Variants in CST8 observed in about 807,000 individuals in gnomAD.
CST8 encodes the protein cystatin 8, also known as cystatin-8.
In CST8, 20 loss-of-function variants were observed where a neutral mutation model predicts 11.8. The observed-to-expected ratio is 1.70, with a 90% CI of 1.20 to 2.47. The LOEUF (loss-of-function observed/expected upper bound fraction) is 2.47, where lower values mean the gene tolerates loss of function less well. Ranked by LOEUF, CST8 falls within the 30% of genes most tolerant of loss-of-function variation. The pLI is 0.00. For missense variants in CST8, 196 were observed against 167.2 expected (o/e 1.17, Z -0.95); for synonymous variants, 77 against 63.1 (o/e 1.22, Z -1.05).
chr20:23,497,995 G>T (rs1988095092), downstream of CST8, among the ~76,000 whole-genome samples: 1 of 152,082 alleles, frequency 6.6e-6, no homozygotes, highest in African/African-American at 2.4e-5. Context: ...GCATGTGTGT[G>T]TGTGTGTGTA....
the CST8 span, among the ~76,000 whole-genome samples, chr20:23,501,716 C>T: frequency 1.3e-5 from 2 of 152,190 alleles, no homozygotes; most frequent in Admixed American, 1.3e-4. Context: ...AGTGCTCAGA[C>T]GCTGATGATG....
chr20:23,494,262 A>G (rs1987976514), intron 3 of CST8, among the ~76,000 whole-genome samples: 1 of 152,166 alleles, frequency 6.6e-6, no homozygotes. Flanking sequence ...GATTGTAGAA[A>G]AGTTTTTGCT....
At chr20:23,503,742 G>A in the CST8 span, among the ~76,000 whole-genome samples, 2 of 152,242 alleles carry the variant, frequency 1.3e-5, no homozygotes, top group Non-Finnish European at 2.9e-5. Flanking sequence ...CAACAAGGGC[G>A]GAAGTACAGG....
intron 3 of CST8, among the ~76,000 whole-genome samples, chr20:23,494,666 T>C: frequency 6.6e-6 from 1 of 152,336 alleles, no homozygotes; most frequent in Non-Finnish European, 1.5e-5. Context: ...CATCCATCCA[T>C]TCATTAATCT....
downstream of CST8, among the ~76,000 whole-genome samples, chr20:23,497,358 G>C (rs1988074099): frequency 6.6e-6 from 1 of 152,176 alleles, no homozygotes; most frequent in African/African-American, 2.4e-5. Flanking sequence ...CCCTTACAGA[G>C]GTCTGAACCC....
In CST8 at chr20:23,491,663, G is replaced by A. The variant is rs1987884630; in HGVS notation, c.-5G>A. The A allele has an allele frequency of 6.2e-7, 1 of 1,612,360 alleles. No homozygotes were observed. Among genetic ancestry groups the A allele is most frequent in the African/African-American group, 1.3e-5 (1 of 74,826 alleles). The stretch of plus-strand genomic sequence containing the variant: ...GAGTCGACTTTGCCTCTTGCCCAAG[G>A]GACCATGCCCAGGTGCCGGTGGCTC... On this transcript the variant is annotated 5_prime_UTR_variant, in exon 2 of 4. Transcript: ENST00000246012.
At chr20:23,492,930 A>C in intron 2 of CST8, 28 bp from the exon 3 acceptor site, 1 of 1,264,290 alleles carries the variant, frequency 7.9e-7, no homozygotes, top group Non-Finnish European at 1.2e-6. Flanking sequence ...ACTCTTTTGA[A>C]TAAAATTGCA....
Position 23,495,988 on chromosome 20 carries a change from C to G in CST8, c.*74C>G, listed in dbSNP as rs946868033. On this transcript the variant is annotated 3_prime_UTR_variant, in exon 4 of 4. Coordinates refer to ENST00000246012, the MANE Select transcript of CST8 (RefSeq NM_005492.4). ...AAATGAAGCAATGGCAGGTGGGAGG[C>G]TCTTCCCAATGTGCTTTCTTCATGC... 1.9e-5 allele frequency: 22 copies of G among 1,188,046 alleles called. No homozygotes were observed. In the African/African-American group the frequency reaches 3.3e-4, roughly 18 times the overall value. The allele number at this position is 1,188,046 out of a possible 1,614,324, so 73.6% of individuals were successfully genotyped here. A position where few individuals can be genotyped will look rare whatever the true frequency, so the allele number is the denominator to read the frequency against.
chr20:23,491,903 A>C lies in CST8; in HGVS notation c.231+5A>C. On this transcript the variant is annotated splice_donor_5th_base_variant and intron_variant, in intron 2 of 3. Coordinates refer to ENST00000246012, the MANE Select transcript of CST8 (RefSeq NM_005492.4). The stretch of plus-strand genomic sequence containing the variant: ...ACACTGCAAGCCCAGCTTCAGGTAA[A>C]GGTGTCTTTCCATATAGGTGGACAT... 1 of 1,610,086 alleles carries C rather than the reference A, an allele frequency of 6.2e-7. No homozygotes were observed. The highest frequency in any genetic ancestry group is 1.1e-5 in the South Asian group (1 of 91,000).
chr20:23,492,501 A>T (rs571912427), intron 2 of CST8, among the ~76,000 whole-genome samples: 8 of 152,238 alleles, frequency 5.3e-5, no homozygotes, highest in Admixed American at 5.2e-4. Context: ...ACCCCAGAGG[A>T]TGGGAGGTTT....
At chr20:23,505,136 A>ATTC in the CST8 span, among the ~76,000 whole-genome samples, 89 of 128,892 alleles carry the variant, frequency 6.9e-4, no homozygotes, top group African/African-American at 2.5e-3. Flanking sequence ...GGCAAGAAGC[A>ATTC]TTCTTTTTTT....
rs148905697 is a variant in CST8, at chr20:23,491,856, G to A, written c.189G>A (p.Lys63=). The A allele has an allele frequency of 9.3e-6, 15 of 1,614,252 alleles. No individual in the cohort carries two copies. Among genetic ancestry groups the A allele is most frequent in the African/African-American group, 2.7e-5 (2 of 75,068 alleles). ...MQEYNKESED[K]YVFLVVKTLQ... ...AATACAACAAAGAGAGCGAGGACAA[G>A]TATGTCTTCCTGGTGGTCAAGACAC... Residue 63 remains lysine (K), a synonymous_variant, in exon 2 of 4, where the codon AAG becomes AAA. Transcript: ENST00000246012.
downstream of CST8, among the ~76,000 whole-genome samples, chr20:23,498,571 A>C (rs1988114079): frequency 6.6e-6 from 1 of 152,106 alleles, no homozygotes; most frequent in African/African-American, 2.4e-5. Flanking sequence ...CAGCAGAGAC[A>C]AGTGGAACTT....
At chr20:23,506,228 A>C in the CST8 span, among the ~76,000 whole-genome samples, 57 of 152,166 alleles carry the variant, frequency 3.7e-4, no homozygotes, top group Admixed American at 2.6e-4. Flanking sequence ...CTTAGGGCTC[A>C]CTGGGAAACA....
At chr20:23,501,936 C>T in the CST8 span, among the ~76,000 whole-genome samples, 253 of 152,290 alleles carry the variant, frequency 1.7e-3, no homozygotes, top group African/African-American at 5.4e-3. Context: ...GTGGACACGC[C>T]GGCTTTCTGC....
At chr20:23,497,091 A>C (rs1988064061), downstream of CST8, among the ~76,000 whole-genome samples, 1 of 152,234 alleles carries the variant, frequency 6.6e-6, no homozygotes, top group Non-Finnish European at 1.5e-5. Flanking sequence ...TAAAGTAAAG[A>C]CAGGCATAGG....
the CST8 span, among the ~76,000 whole-genome samples, chr20:23,501,272 C>T: frequency 6.6e-6 from 1 of 152,210 alleles, no homozygotes; most frequent in Non-Finnish European, 1.5e-5. Flanking sequence ...TTTCTCTTTA[C>T]AGAGTTGAGG....
Position 23,491,424 on chromosome 20 carries a change from C to T in CST8, c.-144+82C>T, listed in dbSNP as rs527390189. 249 of 552,376 alleles carry T rather than the reference C, an allele frequency of 4.5e-4. 1 individual carries two copies. The African/African-American group carries it at 4.5e-3, about 10-fold the overall frequency. 34.2% of individuals were successfully genotyped at this position (552,376 alleles called of 1,614,324 possible). ...TTGCTCTCAGGGTAAGGAGGGGAGG[C>T]TGGTAGAGAGACTCCTTAACTGGCA... On this transcript the variant is annotated intron_variant, in intron 1 of 3. Transcript: ENST00000246012.
the CST8 span, among the ~76,000 whole-genome samples, chr20:23,502,427 A>G: frequency 3.3e-5 from 5 of 152,360 alleles, no homozygotes; most frequent in Middle Eastern, 3.4e-3. Context: ...TGACTCTGCA[A>G]CAACATGCAG....
Sources: gnomAD v4.1 joint callset for allele counts (sites outside exome capture counted in the v4.1 genomes callset) on GRCh38, gnomAD v4.1.1 for gene constraint, MANE v1.5 for transcripts, NCBI Gene and HGNC (gene_info 2026-07-23, HGNC 2026-07-21) for gene names.